UGT1A9: variants seen among roughly 807,000 people sequenced by gnomAD.
The protein encoded by UGT1A9 is UDP-glucuronosyltransferase 1A9.
A neutral mutation model predicts 45.0 loss-of-function variants in UGT1A9; 35 were observed. The ratio of observed to expected loss-of-function variants is 0.78; its 90% CI spans 0.59 to 1.03. The LOEUF is 1.03. Among genes scored for constraint, UGT1A9 ranks in the 50% least tolerant of loss-of-function variants. The probability of loss-of-function intolerance (pLI) is 0.00; values close to 1 mark genes in which losing one functional copy is unlikely to be tolerated. For missense variants in UGT1A9, 687 were observed against 666.6 expected (o/e 1.03, Z -0.34); for synonymous variants, 278 against 250.6 (o/e 1.11, Z -1.03).
chr2:233,698,999 G>GT (rs1162010332), intron 1 of UGT1A9, among the ~76,000 whole-genome samples: 1 of 152,212 alleles, frequency 6.6e-6, no homozygotes, highest in East Asian at 1.9e-4. Flanking sequence ...GATTCCTGCT[G>GT]TAAGAACATG....
intron 1 of UGT1A9, among the ~76,000 whole-genome samples, chr2:233,698,248 C>A (rs1559349611): frequency 6.6e-6 from 1 of 152,096 alleles, no homozygotes; most frequent in Non-Finnish European, 1.5e-5. Flanking sequence ...AATAGAATTT[C>A]TTTTGTCCAA....
intron 3 of UGT1A9, 35 bp downstream of exon 3, chr2:233,767,971 A>C (rs71537802): frequency 2.1e-4 from 336 of 1,614,092 alleles, no homozygotes; most frequent in Non-Finnish European, 2.7e-4. Context: ...AGGTCAAACC[A>C]GGGTCAAATT....
intron 1 of UGT1A9, among the ~76,000 whole-genome samples, chr2:233,740,381 G>T (rs771907288): frequency 6.6e-6 from 1 of 151,918 alleles, no homozygotes; most frequent in Non-Finnish European, 1.5e-5. Flanking sequence ...GTAAGTTGTT[G>T]TGTGAATTAT....
chr2:233,761,145 A>T, intron 1 of UGT1A9: 4 of 1,614,244 alleles, frequency 2.5e-6, no homozygotes, highest in Non-Finnish European at 3.4e-6. Flanking sequence ...AAAATCCACT[A>T]TCCCAGGTGT....
intron 1 of UGT1A9, among the ~76,000 whole-genome samples, chr2:233,721,360 G>T (rs1478965669): frequency 6.6e-6 from 1 of 152,144 alleles, no homozygotes; most frequent in Non-Finnish European, 1.5e-5. Context: ...AGACTGAACT[G>T]CACTGGCTCA....
At chr2:233,737,647 C>T (rs1413488043) in intron 1 of UGT1A9, among the ~76,000 whole-genome samples, 1 of 152,204 alleles carries the variant, frequency 6.6e-6, no homozygotes, top group African/African-American at 2.4e-5. Flanking sequence ...GTCGATCATG[C>T]TGGGAGCTGC....
intron 1 of UGT1A9, among the ~76,000 whole-genome samples, chr2:233,761,459 C>T (rs974462920): frequency 3.9e-5 from 6 of 152,156 alleles, no homozygotes; most frequent in African/African-American, 1.4e-4. Context: ...TTTGGGGCAC[C>T]CTGCAGAAAA....
At chr2:233,747,480 G>T in intron 1 of UGT1A9, 2 of 1,608,986 alleles carry the variant, frequency 1.2e-6, no homozygotes, top group Non-Finnish European at 1.7e-6. Context: ...GGATGAATTT[G>T]ATCGCCTTGT....
intron 1 of UGT1A9, chr2:233,729,968 G>A (rs201755757): frequency 2.4e-5 from 39 of 1,613,890 alleles, no homozygotes; most frequent in Non-Finnish European, 7.6e-6. Context: ...GGCATCAACT[G>A]TGCCAACAGG....
chr2:233,688,230 G>T (rs1056859026), intron 1 of UGT1A9, among the ~76,000 whole-genome samples: 3 of 152,180 alleles, frequency 2.0e-5, no homozygotes, highest in Non-Finnish European at 4.4e-5. Flanking sequence ...CCATGTTGTA[G>T]CATGAATCAG....
intron 1 of UGT1A9, among the ~76,000 whole-genome samples, chr2:233,725,934 T>C (rs986998234): frequency 1.6e-4 from 25 of 152,166 alleles, no homozygotes; most frequent in Admixed American, 5.2e-4. Context: ...GGGAGACTGA[T>C]GCAGGAGGAT....
chr2:233,727,679 G>C lies in UGT1A9; in HGVS notation c.856-39355G>C, dbSNP rs376074254. Among the ~76,000 whole-genome samples, 5 of 152,276 alleles carry C rather than the reference G, an allele frequency of 3.3e-5. No homozygotes were observed. The East Asian group carries it at 7.7e-4, about 24-fold the overall frequency. The stretch of plus-strand genomic sequence containing the variant: ...TGCTCTATGTCCTTACAAATTCCCA[G>C]GAATCATCCTCTACTGGACAGTTCC... On this transcript the variant is annotated intron_variant, in intron 1 of 4. Coordinates refer to ENST00000354728, the MANE Select transcript of UGT1A9 (RefSeq NM_021027.3).
At chr2:233,753,689 A>C (rs1483181557) in intron 1 of UGT1A9, 1 of 152,256 alleles carries the variant, frequency 6.6e-6, no homozygotes, top group African/African-American at 2.4e-5. Flanking sequence ...AAACAATATT[A>C]CAGATGCACT....
rs1691455910 is a variant in UGT1A9, at chr2:233,740,707, G to A, written c.856-26327G>A. Reference sequence around the variant, plus strand: ...GGTGTTCATTTTAGGGATTTCAAGAGGGTCATCTTTGCACCACAGGAAATG... The same window carrying A: ...GGTGTTCATTTTAGGGATTTCAAGAAGGTCATCTTTGCACCACAGGAAATG... On this transcript the variant is annotated intron_variant, in intron 1 of 4. Coordinates refer to ENST00000354728, the MANE Select transcript of UGT1A9 (RefSeq NM_021027.3). 1.3e-5 allele frequency: 2 copies of A among 151,744 alleles called. 1 individual carries two copies. Among genetic ancestry groups the A allele is most frequent in the African/African-American group, 4.9e-5 (2 of 41,032 alleles). 9.4% of individuals were successfully genotyped at this position (151,744 alleles called of 1,614,324 possible).
At chr2:233,682,181 A>G (rs933713283) in intron 1 of UGT1A9, 1 of 1,613,844 alleles carries the variant, frequency 6.2e-7, no homozygotes, top group East Asian at 2.2e-5. Flanking sequence ...AACCTCATAC[A>G]CTCTGGAGGA....
chr2:233,729,723 A>C (rs563184062), intron 1 of UGT1A9: 21 of 1,613,942 alleles, frequency 1.3e-5, no homozygotes, highest in Non-Finnish European at 1.7e-5. Flanking sequence ...GATTACTAAC[A>C]ACCAATTCAG....
intron 1 of UGT1A9, among the ~76,000 whole-genome samples, chr2:233,676,487 G>T (rs986266023): frequency 5.3e-5 from 8 of 152,174 alleles, no homozygotes; most frequent in Non-Finnish European, 5.9e-5. Flanking sequence ...GACGCATAAT[G>T]ATGAGCTAAA....
chr2:233,759,342 C>T (rs1337999825), intron 1 of UGT1A9, among the ~76,000 whole-genome samples: 5 of 152,112 alleles, frequency 3.3e-5, no homozygotes, highest in African/African-American at 9.7e-5. Flanking sequence ...TTCAGGTGAG[C>T]GCTGAAAATC....
At chr2:233,724,728 C>A (rs2077301361) in intron 1 of UGT1A9, among the ~76,000 whole-genome samples, 1 of 144,340 alleles carries the variant, frequency 6.9e-6, no homozygotes, top group Non-Finnish European at 1.5e-5. Context: ...GGCAGCCAGG[C>A]AGAGGGGCTC....
Sources: allele counts gnomAD v4.1 joint callset (sites outside exome capture counted in the v4.1 genomes callset), GRCh38; gene constraint gnomAD v4.1.1; transcripts MANE v1.5; gene names NCBI Gene and HGNC (gene_info 2026-07-23, HGNC 2026-07-21).